CELF4: variants seen among roughly 807,000 people sequenced by gnomAD.
CELF4 encodes CUG-BP- and ETR-3-like factor 4.
CELF4 carries 18 observed loss-of-function variants against 59.9 expected under a neutral mutation model. That is an observed-to-expected ratio of 0.30 (90% confidence interval 0.21 to 0.45). CELF4 has a LOEUF of 0.45. Among genes scored for constraint, CELF4 ranks in the 20% least tolerant of loss-of-function variants. The pLI is 1.00. For missense variants in CELF4, 456 were observed against 689.0 expected, an observed-to-expected ratio of 0.66 and a Z score of 3.79; for synonymous variants, 261 against 267.1, an observed-to-expected ratio of 0.98 and a Z score of 0.22.
intron 1 of CELF4, among the ~76,000 whole-genome samples, chr18:37,549,561 A>G (rs549468191): frequency 2.6e-5 from 4 of 152,294 alleles, no homozygotes; most frequent in Admixed American, 2.0e-4. Context: ...GTATCCTGGC[A>G]GGATTTGACT....
intron 1 of CELF4, among the ~76,000 whole-genome samples, chr18:37,523,862 G>T (rs1404573812): frequency 6.6e-6 from 1 of 152,262 alleles, no homozygotes; most frequent in East Asian, 1.9e-4. Context: ...GAAGGTGGGA[G>T]GAGGGTGGTG....
At chr18:37,263,616 T>C (rs1002075644) in intron 10 of CELF4, among the ~76,000 whole-genome samples, 1 of 152,048 alleles carries the variant, frequency 6.6e-6, no homozygotes, top group Non-Finnish European at 1.5e-5. Flanking sequence ...TCCAGCCTCC[T>C]GTCTTCCTGC....
At chr18:37,445,349 G>C (rs1163978903) in intron 2 of CELF4, among the ~76,000 whole-genome samples, 1 of 152,010 alleles carries the variant, frequency 6.6e-6, no homozygotes, top group South Asian at 2.1e-4. Flanking sequence ...GAGCCTGGAA[G>C]GGTTTCTCGG....
At chr18:37,461,339 G>T (rs1049968255) in intron 2 of CELF4, among the ~76,000 whole-genome samples, 3 of 152,196 alleles carry the variant, frequency 2.0e-5, no homozygotes, top group African/African-American at 4.8e-5. Context: ...CAGCATGGCT[G>T]GGGAGGCCTC....
At chr18:37,449,647 C>T (rs1355115519) in intron 2 of CELF4, among the ~76,000 whole-genome samples, 2 of 152,112 alleles carry the variant, frequency 1.3e-5, no homozygotes, top group South Asian at 2.1e-4. Context: ...AACAGTAAAG[C>T]AGAGTAAGGG....
intron 2 of CELF4, among the ~76,000 whole-genome samples, chr18:37,474,608 A>G (rs1189705443): frequency 6.6e-6 from 1 of 152,242 alleles, no homozygotes; most frequent in Non-Finnish European, 1.5e-5. Context: ...TCCATACAAT[A>G]GCACTAATAA....
intron 2 of CELF4, chr18:37,473,715 G>T (rs1193135322): frequency 6.6e-6 from 1 of 152,406 alleles, no homozygotes. Context: ...TGTGGGGGGT[G>T]GCTGCTGCTC....
At chr18:37,413,073 C>T (rs749791732) in intron 2 of CELF4, among the ~76,000 whole-genome samples, 4 of 152,146 alleles carry the variant, frequency 2.6e-5, no homozygotes, top group Non-Finnish European at 5.9e-5. Context: ...GCTAGCTGCT[C>T]CTGTCACAGC....
chr18:37,390,807 A>AGGGGGGG (rs1004031145), intron 2 of CELF4, among the ~76,000 whole-genome samples: 1 of 57,094 alleles, frequency 1.8e-5, no homozygotes, highest in East Asian at 7.5e-4. Context: ...TGGGGCGGGG[A>AGGGGGGG]GGGGGGGCAG....
intron 2 of CELF4, among the ~76,000 whole-genome samples, chr18:37,378,499 G>T (rs1490111510): frequency 1.3e-5 from 2 of 152,234 alleles, no homozygotes; most frequent in Non-Finnish European, 2.9e-5. Flanking sequence ...AGTGCTGTAA[G>T]ATGGGCGGCA....
intron 2 of CELF4, among the ~76,000 whole-genome samples, chr18:37,457,121 C>G (rs149091063): frequency 6.6e-6 from 1 of 152,112 alleles, no homozygotes; most frequent in South Asian, 2.1e-4. Flanking sequence ...TTGCAGAAGC[C>G]GGGGTGCCTC....
intron 9 of CELF4, among the ~76,000 whole-genome samples, chr18:37,265,118 T>TGTGTGCGTGC (rs2076861494): frequency 6.6e-6 from 1 of 151,370 alleles, no homozygotes; most frequent in Non-Finnish European, 1.5e-5. Context: ...TGTGGGTGTG[T>TGTGTGCGTGC]GTGTACATTA....
intron 2 of CELF4, among the ~76,000 whole-genome samples, chr18:37,450,603 C>G (rs544716746): frequency 6.6e-6 from 1 of 152,208 alleles, no homozygotes; most frequent in South Asian, 2.1e-4. Context: ...GTTGCCATGG[C>G]GATCCCTGAT....
At chr18:37,363,422 C>T (rs2098735639) in intron 2 of CELF4, among the ~76,000 whole-genome samples, 1 of 152,164 alleles carries the variant, frequency 6.6e-6, no homozygotes, top group Non-Finnish European at 1.5e-5. Context: ...AGAGACTTCT[C>T]AGGCCTTCTC....
intron 2 of CELF4, among the ~76,000 whole-genome samples, chr18:37,413,083 C>A (rs1393068802): frequency 1.3e-5 from 2 of 152,172 alleles, no homozygotes; most frequent in Non-Finnish European, 2.9e-5. Context: ...CCTGTCACAG[C>A]ACATCTTGTT....
intron 1 of CELF4, among the ~76,000 whole-genome samples, chr18:37,542,827 G>A (rs1487742127): frequency 6.6e-6 from 1 of 152,048 alleles, no homozygotes; most frequent in Admixed American, 6.6e-5. Context: ...TGACTTACAG[G>A]TTAGGAGACG....
intron 2 of CELF4, among the ~76,000 whole-genome samples, chr18:37,375,357 G>A (rs1045148342): frequency 4.6e-5 from 7 of 152,148 alleles, no homozygotes; most frequent in Non-Finnish European, 8.8e-5. Flanking sequence ...GACGGCTCTC[G>A]GGGCCAGTAC....
intron 2 of CELF4, among the ~76,000 whole-genome samples, chr18:37,401,404 A>ATTTGT (rs2099325271): frequency 6.6e-6 from 1 of 152,220 alleles, no homozygotes; most frequent in African/African-American, 2.4e-5. Flanking sequence ...TGGAAGAGGC[A>ATTTGT]GTGAGCTCTG....
At chr18:37,462,399 C>T (rs908775370) in intron 2 of CELF4, among the ~76,000 whole-genome samples, 5 of 152,162 alleles carry the variant, frequency 3.3e-5, no homozygotes, top group East Asian at 1.9e-4. Context: ...TCTGCTCCTC[C>T]GGAGGCCTTT....
Sources: gnomAD v4.1 joint callset for allele counts (sites outside exome capture counted in the v4.1 genomes callset) on GRCh38, gnomAD v4.1.1 for gene constraint, MANE v1.5 for transcripts, NCBI Gene and HGNC (gene_info 2026-07-23, HGNC 2026-07-21) for gene names.